The following CACNA1C variants were observed in gnomAD, a reference collection of about 807,000 sequenced individuals.
The protein encoded by CACNA1C is calcium voltage-gated channel subunit alpha1 C.
CACNA1C carries 30 observed loss-of-function variants against 229.0 expected under a neutral mutation model. The ratio of observed to expected loss-of-function variants is 0.13; its 90% confidence interval spans 0.10 to 0.18. The LOEUF (loss-of-function observed/expected upper bound fraction) is 0.18. CACNA1C is among the 10% of genes least tolerant of loss of function. CACNA1C has a pLI of 1.00. For missense variants in CACNA1C, 1,658 were observed against 2,845.0 expected (o/e 0.58, Z 9.49); for synonymous variants, 1,114 against 1,132.5 (o/e 0.98, Z 0.33).
rs933629850 is a variant in CACNA1C at position 2,346,778 on chromosome 12, C to G, written c.478-102198C>G. Reference sequence around the variant, plus strand: ...CATTAAAACTTGATTTTGCATCCAGCTCATGATAAGCATATAGCAGCATAT... The same window carrying G: ...CATTAAAACTTGATTTTGCATCCAGGTCATGATAAGCATATAGCAGCATAT... On this transcript the variant is annotated intron_variant, in intron 3 of 46. Transcript: ENST00000399655. This position sits in a 1 kb window ranked among gnomAD's most constrained non-coding sequence, Gnocchi z 4.4. 6.6e-6 allele frequency among the ~76,000 whole-genome samples: 1 copy of G among 152,200 alleles called. No individual in the cohort carries two copies. The highest frequency in any genetic ancestry group is 2.4e-5 in the African/African-American group (1 of 41,444).
At position 2,350,842 on chromosome 12, in the gene CACNA1C, G is replaced by A. The variant is rs191480865; in HGVS notation, c.478-98134G>A. Among the ~76,000 whole-genome samples the A allele has an allele frequency of 2.2e-3, 329 of 152,340 alleles. 3 individuals are homozygous for A. The highest frequency in any genetic ancestry group is 7.6e-3 in the African/African-American group (316 of 41,574). ...TTGGAAGGACCCTGGAGGTCACCCT[G>A]TTTATTCTTCCACCTGACTCAGGAG... is the stretch of plus-strand genomic sequence containing the variant. On this transcript the variant is annotated intron_variant, in intron 3 of 46. Coordinates refer to ENST00000399655, the MANE Select transcript of CACNA1C (RefSeq NM_000719.7).
intron 18 of CACNA1C, among the ~76,000 whole-genome samples, chr12:2,586,277 AG>A (rs2062417523): frequency 6.6e-6 from 1 of 152,148 alleles, no homozygotes; most frequent in Non-Finnish European, 1.5e-5. Flanking sequence ...GTCAATCCCA[AG>A]TCTGCCTTGC....
intron 1 of CACNA1C, among the ~76,000 whole-genome samples, chr12:2,001,037 C>CA (rs55946150): frequency 1.6e-3 from 203 of 124,304 alleles, no homozygotes; most frequent in East Asian, 4.5e-3. Context: ...GACTTCGTCT[C>CA]AAAAAAAAAA....
chr12:2,525,357 G>A (rs1005475403), intron 9 of CACNA1C, among the ~76,000 whole-genome samples: 1 of 152,176 alleles, frequency 6.6e-6, no homozygotes, highest in Non-Finnish European at 1.5e-5. Flanking sequence ...ACTGGGATAG[G>A]GTCCTAAGGG....
chr12:2,269,314 G>C (rs940435042), intron 3 of CACNA1C, among the ~76,000 whole-genome samples: 1 of 152,158 alleles, frequency 6.6e-6, no homozygotes, highest in Non-Finnish European at 1.5e-5. Context: ...CCTAAATTCT[G>C]CTATCTGTGT....
chr12:2,665,577 A>G lies in CACNA1C; in HGVS notation c.4399-4A>G. On this transcript the variant is annotated splice_region_variant and splice_polypyrimidine_tract_variant and intron_variant, in intron 35 of 46. Coordinates refer to ENST00000399655, the MANE Select transcript of CACNA1C (RefSeq NM_000719.7). The surrounding 1 kb of genome is among the most constrained non-coding windows in gnomAD (Gnocchi z 5.9). ...ACAGCACCTCATTGTACTGTTCCCC[A>G]CAGATCATCAACCTCTTTGTAGCTG... 6.2e-7 allele frequency: 1 copy of G among 1,613,326 alleles called. No individual in the cohort carries two copies. The highest frequency in any genetic ancestry group is 8.5e-7 in the Non-Finnish European group (1 of 1,179,480).
intron 9 of CACNA1C, among the ~76,000 whole-genome samples, chr12:2,516,569 G>C (rs149059303): frequency 1.3e-5 from 2 of 152,282 alleles, no homozygotes; most frequent in African/African-American, 4.8e-5. Flanking sequence ...GAAGTGATAA[G>C]GTCAGACTTC....
Position 2,034,193 on chromosome 12 carries a change from C to T in CACNA1C, c.139+62992C>T, listed in dbSNP as rs1051308352. ...TGATGAAACTGAGGCTTGAAGAGAG[C>T]GGTTCAGTGACTCGCCCAAACTCAC... On this transcript the variant is annotated intron_variant, in intron 1 of 46. Transcript: ENST00000682462. This position sits in a 1 kb window ranked among gnomAD's most constrained non-coding sequence, Gnocchi z 4.1. Among the ~76,000 whole-genome samples, 22 of 152,126 alleles carry T rather than the reference C, an allele frequency of 1.4e-4. No individual in the cohort carries two copies. The highest frequency in any genetic ancestry group is 3.3e-4 in the Admixed American group (5 of 15,274).
intron 3 of CACNA1C, among the ~76,000 whole-genome samples, chr12:2,394,322 G>T (rs796673364): frequency 6.6e-6 from 1 of 152,132 alleles, no homozygotes. Flanking sequence ...CATGATAAAC[G>T]CAGGCTTTAT....
rs140293776 is a variant in CACNA1C, at chr12:2,524,621, C to T, written c.1390+11637C>T. Among the ~76,000 whole-genome samples, 775 of 152,278 alleles carry T rather than the reference C, an allele frequency of 5.1e-3. 3 individuals are homozygous for T. Among genetic ancestry groups the T allele is most frequent in the African/African-American group, 0.016 (647 of 41,556 alleles). On this transcript the variant is annotated intron_variant, in intron 9 of 46. Coordinates refer to ENST00000399655, the MANE Select transcript of CACNA1C (RefSeq NM_000719.7). ...GGGAGGGAGGAGAGTTCCACCACAC[C>T]GGTCTTCAGGCCCCAAGGCTGCACC... is the stretch of plus-strand genomic sequence containing the variant.
Position 2,653,764 on chromosome 12 carries a change from C to A in CACNA1C, c.4075-71C>A. ...GATGGCTGCAGAGACAGGGATGCGG[C>A]GCTCCCTGGGAAGGGGCCCAGCTGG... On this transcript the variant is annotated intron_variant, in intron 32 of 46. Coordinates refer to ENST00000399655, the MANE Select transcript of CACNA1C (RefSeq NM_000719.7). The surrounding 1 kb of genome is among the most constrained non-coding windows in gnomAD (Gnocchi z 4.7). 1 of 1,320,026 alleles carries A rather than the reference C, an allele frequency of 7.6e-7. No individual in the cohort carries two copies. Among genetic ancestry groups the A allele is most frequent in the South Asian group, 1.2e-5 (1 of 83,498 alleles). The allele number at this position is 1,320,026 out of a possible 1,614,324, so 81.8% of individuals were successfully genotyped here.
rs59068153 is a variant in CACNA1C, at chr12:2,646,768, AAGAGAGAG to A, written c.3913-1692_3913-1685del. On this transcript the variant is annotated intron_variant, in intron 30 of 46. Coordinates refer to ENST00000399655, the MANE Select transcript of CACNA1C (RefSeq NM_000719.7). This position sits in a 1 kb window ranked among gnomAD's most constrained non-coding sequence, Gnocchi z 4.6. ...TGCCTGTATGAGAGAGAGAGAGAGA[AAGAGAGAG>A]AGAGAGAGAGAGAGTGTGTGTGTGC... Among the ~76,000 whole-genome samples, 2 of 146,592 alleles carry A rather than the reference AAGAGAGAG, an allele frequency of 1.4e-5. No individual in the cohort carries two copies. The highest frequency in any genetic ancestry group is 1.5e-5 in the Non-Finnish European group (1 of 65,930).
chr12:1,996,532 A>G (rs1254307738), intron 1 of CACNA1C, among the ~76,000 whole-genome samples: 1 of 147,526 alleles, frequency 6.8e-6, no homozygotes, highest in Non-Finnish European at 1.5e-5. Flanking sequence ...GGGGTGTCCA[A>G]TCTTTTGGCC....
In CACNA1C at chr12:2,472,572, A is replaced by G. The variant is rs376163007; in HGVS notation, c.758-13532A>G. 2.6e-4 allele frequency among the ~76,000 whole-genome samples: 39 copies of G among 152,150 alleles called. No homozygotes were observed. In the South Asian group the frequency reaches 7.9e-3, roughly 31 times the overall value. On this transcript the variant is annotated intron_variant, in intron 5 of 46. Coordinates refer to ENST00000399655, the MANE Select transcript of CACNA1C (RefSeq NM_000719.7). ...TTCCATCCTTTAAATATATGTATCT[A>G]TATATGGATACATATGTAGCACTCT...
intron 13 of CACNA1C, among the ~76,000 whole-genome samples, chr12:2,581,053 A>G (rs2060292158): frequency 6.6e-6 from 1 of 152,228 alleles, no homozygotes; most frequent in African/African-American, 2.4e-5. Flanking sequence ...TGCCTCTGCT[A>G]GAAGGCTGCT....
At chr12:2,097,671 G>A (rs565048954) in intron 1 of CACNA1C, among the ~76,000 whole-genome samples, 1 of 152,320 alleles carries the variant, frequency 6.6e-6, no homozygotes, top group East Asian at 1.9e-4. Context: ...TCTCTGTGTG[G>A]CTGTTCCTAG....
intron 3 of CACNA1C, among the ~76,000 whole-genome samples, chr12:2,127,452 A>G (rs1399140023): frequency 1.3e-5 from 2 of 152,222 alleles, no homozygotes; most frequent in African/African-American, 2.4e-5. Context: ...TATTATTGCT[A>G]TCTCTTATGT....
chr12:2,405,208 C>T (rs1263119836), intron 3 of CACNA1C, among the ~76,000 whole-genome samples: 1 of 152,158 alleles, frequency 6.6e-6, no homozygotes, highest in African/African-American at 2.4e-5. Flanking sequence ...AGAGGCAGTG[C>T]CCTTCACCCA....
chr12:2,589,944 A>G (rs1280569747), intron 18 of CACNA1C, among the ~76,000 whole-genome samples: 4 of 152,188 alleles, frequency 2.6e-5, no homozygotes, highest in Non-Finnish European at 5.9e-5. Context: ...TGAGCCAGCG[A>G]AGAGAAAATC....
Sources: allele counts gnomAD v4.1 joint callset (sites outside exome capture counted in the v4.1 genomes callset), GRCh38; gene constraint gnomAD v4.1.1; non-coding constraint Gnocchi (gnomAD v3.1); transcripts MANE v1.5; gene names NCBI Gene and HGNC (gene_info 2026-07-23, HGNC 2026-07-21).